Variants in LUZP1 observed in about 807,000 individuals in gnomAD.
The protein encoded by LUZP1 is filamin mechanobinding actin cross-linking protein.
In LUZP1, 25 loss-of-function variants were observed where a neutral mutation model predicts 71.3. The observed-to-expected ratio is 0.35, with a 90% CI of 0.26 to 0.49. LUZP1 has a LOEUF of 0.49. LUZP1 is among the 20% of genes least tolerant of loss of function. LUZP1 has a pLI of 0.99. For missense variants in LUZP1, 1,142 were observed against 1,300.8 expected, an observed-to-expected ratio of 0.88 and a Z score of 1.88; for synonymous variants, 481 against 506.4, an observed-to-expected ratio of 0.95 and a Z score of 0.67.
chr1:23,129,445 G>T (rs919195437), intron 2 of LUZP1, among the ~76,000 whole-genome samples: 2 of 152,122 alleles, frequency 1.3e-5, no homozygotes, highest in Non-Finnish European at 2.9e-5. Context: ...CCCAGGCGTG[G>T]AGGCGCATGC....
intron 1 of LUZP1, among the ~76,000 whole-genome samples, chr1:23,172,590 C>A (rs1203342657): frequency 6.6e-6 from 1 of 151,522 alleles, no homozygotes; most frequent in Non-Finnish European, 1.5e-5. Context: ...TCTGGGCTCA[C>A]TGCAATCTTT....
chr1:23,091,002 T>C (rs1156959727), intron 4 of LUZP1, 188 bp downstream of exon 3: 5 of 732,576 alleles, frequency 6.8e-6, no homozygotes, highest in Non-Finnish European at 1.2e-5. Context: ...TGGAAAGTGA[T>C]GCTGCCAAAA....
chr1:23,090,149 A>G (rs1480271378), intron 4 of LUZP1, among the ~76,000 whole-genome samples: 1 of 148,900 alleles, frequency 6.7e-6, no homozygotes, highest in African/African-American at 2.5e-5. Context: ...GTTAGAGTAG[A>G]AAGAGCATTG....
At chr1:23,164,200 A>C (rs925456470) in intron 2 of LUZP1, 6 of 152,216 alleles carry the variant, frequency 3.9e-5, no homozygotes, top group African/African-American at 1.4e-4. Flanking sequence ...AGAAGGGCTT[A>C]TAAAATAGTC....
chr1:23,085,843 CAG>C, exon 5 of LUZP1: 2 of 152,260 alleles, frequency 1.3e-5, no homozygotes, highest in Middle Eastern at 3.4e-3. Flanking sequence ...GGTTTAGTAT[CAG>C]AGTGGCAAAA....
intron 1 of LUZP1, among the ~76,000 whole-genome samples, chr1:23,172,554 G>A (rs1040351567): frequency 3.3e-5 from 5 of 149,742 alleles, no homozygotes; most frequent in African/African-American, 7.4e-5. Flanking sequence ...ACCCTCTGTC[G>A]CTCAGGCTGG....
chr1:23,089,346 T>TG (rs1643818557), intron 4 of LUZP1, among the ~76,000 whole-genome samples: 1 of 152,124 alleles, frequency 6.6e-6, no homozygotes, highest in African/African-American at 2.4e-5. Context: ...AATGGGGGCA[T>TG]GGGACTAGCA....
At chr1:23,107,760 G>A (rs1363495181) in intron 3 of LUZP1, among the ~76,000 whole-genome samples, 1 of 152,190 alleles carries the variant, frequency 6.6e-6, no homozygotes, top group East Asian at 1.9e-4. Context: ...AGTGAGCCAA[G>A]ATCGCACCAG....
At chr1:23,088,190 G>A (rs535315334) in exon 5 of LUZP1, 1 of 153,098 alleles carries the variant, frequency 6.5e-6, no homozygotes, top group East Asian at 1.9e-4. Context: ...CCTTTGGAAG[G>A]TGAGCAGAGA....
intron 4 of LUZP1, 128 bp from the exon 4 acceptor site, chr1:23,089,181 G>C (rs773552954): frequency 6.4e-5 from 52 of 814,808 alleles, no homozygotes; most frequent in Non-Finnish European, 1.0e-4. Flanking sequence ...CAGGCCATAA[G>C]TTAACTGCAA....
intron 3 of LUZP1, among the ~76,000 whole-genome samples, chr1:23,106,791 G>T (rs752983141): frequency 6.6e-6 from 1 of 152,094 alleles, no homozygotes; most frequent in Non-Finnish European, 1.5e-5. Context: ...TTCCTAACTT[G>T]TCTCCCTGCT....
intron 2 of LUZP1, among the ~76,000 whole-genome samples, chr1:23,132,680 G>C (rs918444361): frequency 1.3e-5 from 2 of 151,984 alleles, no homozygotes; most frequent in Non-Finnish European, 2.9e-5. Flanking sequence ...AAATTGTTCA[G>C]AAAAAAATTT....
chr1:23,168,628 C>T (rs1644530204), intron 2 of LUZP1, 138 bp downstream of exon 1: 1 of 148,422 alleles, frequency 6.7e-6, no homozygotes, highest in African/African-American at 2.5e-5. Context: ...CACACCCCAT[C>T]TCTCCTCGGC....
rs56919514 is a variant in LUZP1 at position 23,158,647 on chromosome 1, CAAAAAAAAAAAAAAAA to C, written c.-226+10103_-226+10118del. ...GAGTGGCAAGAGCAAGACTCTGTCT[CAAAAAAAAAAAAAAAA>C]AAAAAAAAAAAAAAGGGTTGGGTCC... is the stretch of plus-strand genomic sequence containing the variant. On this transcript the variant is annotated intron_variant, in intron 2 of 4. Transcript: ENST00000302291. Among the ~76,000 whole-genome samples the C allele has an allele frequency of 4.7e-4, 28 of 59,926 alleles. 1 individual carries two copies. Among genetic ancestry groups the C allele is most frequent in the South Asian group, 8.6e-4 (2 of 2,336 alleles). The allele number at this position is 59,926 out of a possible 152,430, so 39.3% of individuals were successfully genotyped here.
chr1:23,103,845 AGGGAG>A (rs1643953108), intron 3 of LUZP1, among the ~76,000 whole-genome samples: 1 of 3,160 alleles, frequency 3.2e-4, no homozygotes, highest in Non-Finnish European at 6.8e-4. Context: ...GGAGAGAGGG[AGGGAG>A]GGAGGGAGGG....
At chr1:23,097,585 T>A (rs1297347744) in intron 3 of LUZP1, among the ~76,000 whole-genome samples, 1 of 152,126 alleles carries the variant, frequency 6.6e-6, no homozygotes, top group Non-Finnish European at 1.5e-5. Flanking sequence ...GTGCAATGAC[T>A]CATATCTATA....
rs571005226 is a variant in LUZP1, at chr1:23,123,152, G to A, written c.-225-14025C>T. Among the ~76,000 whole-genome samples, 8 of 152,190 alleles carry A rather than the reference G, an allele frequency of 5.3e-5. No individual in the cohort carries two copies. In the East Asian group the frequency reaches 7.7e-4, roughly 15 times the overall value. The stretch of plus-strand genomic sequence containing the variant: ...TCACTTTAGAACAAAGCCATCAAGC[G>A]TGTTCTAGAGACAGACTCATGTCCA... On this transcript the variant is annotated intron_variant, in intron 2 of 4. Transcript: ENST00000302291.
Position 23,093,429 on chromosome 1 carries a change from T to C in LUZP1, c.833A>G (p.Glu278Gly). 1 of 1,613,522 alleles carries C rather than the reference T, an allele frequency of 6.2e-7. No homozygotes were observed. The highest frequency in any genetic ancestry group is 8.5e-7 in the Non-Finnish European group (1 of 1,179,894). Residue 278 changes from glutamate to glycine, a missense_variant, in exon 4 of 5, where the codon GAA (glutamate) becomes GGA (glycine). Glu to Gly is a moderately conservative substitution (Grantham distance 98, BLOSUM62 -2). Coordinates refer to ENST00000302291, the Ensembl canonical transcript of LUZP1. The surrounding 1 kb of genome is among the most constrained non-coding windows in gnomAD (Gnocchi z 4.2). ...GTTGTCTTCCTGATTGCGGTTCTTT[T>C]CATTTTCTGATTTGTTTCTTGTTTC...
chr1:23,157,624 C>T (rs975354228), intron 2 of LUZP1, among the ~76,000 whole-genome samples: 1 of 152,050 alleles, frequency 6.6e-6, no homozygotes, highest in Non-Finnish European at 1.5e-5. Flanking sequence ...AACCTCATCT[C>T]TACTAAAAAT....
Sources: gnomAD v4.1 joint callset for allele counts (sites outside exome capture counted in the v4.1 genomes callset) on GRCh38, gnomAD v4.1.1 for gene constraint, Gnocchi (gnomAD v3.1) non-coding constraint, MANE v1.5 for transcripts, NCBI Gene and HGNC (gene_info 2026-07-23, HGNC 2026-07-21) for gene names.